The following FOXP1 variants were observed in gnomAD, a reference collection of about 807,000 sequenced individuals.
The protein encoded by FOXP1 is forkhead box protein P1.
In FOXP1, 15 loss-of-function variants were observed where a neutral mutation model predicts 98.2. That is an observed-to-expected ratio of 0.15 (90% CI 0.10 to 0.24). FOXP1 has a LOEUF of 0.24. Ranked by LOEUF, FOXP1 falls within the 10% of genes least tolerant of loss-of-function variation. The pLI is 1.00. For missense variants in FOXP1, 633 were observed against 848.5 expected, an observed-to-expected ratio of 0.75 and a Z score of 3.15; for synonymous variants, 371 against 314.5, an observed-to-expected ratio of 1.18 and a Z score of -1.90.
intron 5 of FOXP1, among the ~76,000 whole-genome samples, chr3:71,241,815 T>C (rs775887054): frequency 2.0e-5 from 3 of 152,226 alleles, no homozygotes; most frequent in South Asian, 2.1e-4. Flanking sequence ...ATCAAAGTGA[T>C]TGGTTAAAGT....
At chr3:71,101,095 G>GA (rs1379716909) in intron 7 of FOXP1, among the ~76,000 whole-genome samples, 2 of 152,150 alleles carry the variant, frequency 1.3e-5, no homozygotes, top group African/African-American at 2.4e-5. Context: ...GGGAAACACA[G>GA]AAAAAGGAAC....
intron 3 of FOXP1, among the ~76,000 whole-genome samples, chr3:71,403,091 T>G (rs527938266): frequency 6.6e-6 from 1 of 152,354 alleles, no homozygotes; most frequent in South Asian, 2.1e-4. Flanking sequence ...GGAAGTTTAC[T>G]TTTTTGTTTT....
chr3:71,341,697 T>C (rs2077018018), intron 4 of FOXP1, among the ~76,000 whole-genome samples: 2 of 152,178 alleles, frequency 1.3e-5, no homozygotes, highest in Non-Finnish European at 2.9e-5. Context: ...AGACTCCGTC[T>C]CAAAAGAAAA....
At chr3:71,091,514 CA>C (rs1242826460) in intron 7 of FOXP1, among the ~76,000 whole-genome samples, 5 of 150,418 alleles carry the variant, frequency 3.3e-5, no homozygotes, top group Admixed American at 6.6e-5. Flanking sequence ...CAAAACAAAA[CA>C]AAACAAACAA....
chr3:71,062,136 T>C (rs540522214), intron 7 of FOXP1, among the ~76,000 whole-genome samples: 1 of 152,246 alleles, frequency 6.6e-6, no homozygotes, highest in East Asian at 1.9e-4. Flanking sequence ...TTAAGGTACA[T>C]TAAACTACAA....
intron 3 of FOXP1, among the ~76,000 whole-genome samples, chr3:71,460,561 C>G (rs779767799): frequency 6.6e-6 from 1 of 152,092 alleles, no homozygotes; most frequent in Non-Finnish European, 1.5e-5. Flanking sequence ...CTCAGCCTCC[C>G]AAGTAGCTGG....
chr3:71,514,122 C>T (rs774446568), intron 2 of FOXP1, among the ~76,000 whole-genome samples: 2 of 152,180 alleles, frequency 1.3e-5, no homozygotes, highest in Non-Finnish European at 2.9e-5. Context: ...AACTGGCTCT[C>T]AGGCCCCATC....
intron 2 of FOXP1, among the ~76,000 whole-genome samples, chr3:71,502,838 G>A (rs1393268899): frequency 6.6e-6 from 1 of 152,168 alleles, no homozygotes; most frequent in Non-Finnish European, 1.5e-5. Context: ...TTAAGGTTAT[G>A]TAACCGGCAT....
At chr3:71,240,652 C>T (rs2067186163) in intron 5 of FOXP1, among the ~76,000 whole-genome samples, 2 of 151,966 alleles carry the variant, frequency 1.3e-5, no homozygotes, top group Non-Finnish European at 2.9e-5. Context: ...ACGCCATTCT[C>T]CTGCCTCAGG....
At chr3:71,077,371 T>G (rs1054800343) in intron 7 of FOXP1, among the ~76,000 whole-genome samples, 4 of 152,212 alleles carry the variant, frequency 2.6e-5, no homozygotes, top group Non-Finnish European at 5.9e-5. Flanking sequence ...TTTATTTACT[T>G]GTTCCTTATG....
At chr3:71,170,650 T>C (rs2061605594) in intron 6 of FOXP1, among the ~76,000 whole-genome samples, 1 of 152,234 alleles carries the variant, frequency 6.6e-6, no homozygotes, top group Non-Finnish European at 1.5e-5. Flanking sequence ...CGCGTATTCT[T>C]AGCTGAAAAC....
intron 4 of FOXP1, among the ~76,000 whole-genome samples, chr3:71,317,695 C>G (rs1188271124): frequency 6.6e-6 from 1 of 151,638 alleles, no homozygotes; most frequent in Non-Finnish European, 1.5e-5. Flanking sequence ...CCCCCAAATA[C>G]AATACTCAAA....
At position 71,201,429 on chromosome 3, in the gene FOXP1, T is replaced by C. The variant is rs577324700; in HGVS notation, c.-11-3037A>G. ...GGGAGGCCAAGGCAGGCAGATCACTTGAGGTCAGGAGTTCGAGACCAGCCT... is the reference window on the plus strand; with the variant it reads ...GGGAGGCCAAGGCAGGCAGATCACTCGAGGTCAGGAGTTCGAGACCAGCCT... On this transcript the variant is annotated intron_variant, in intron 5 of 20. Coordinates refer to ENST00000649528, the MANE Select transcript of FOXP1 (RefSeq NM_001349338.3). Among the ~76,000 whole-genome samples, 9 of 152,264 alleles carry C rather than the reference T, an allele frequency of 5.9e-5. No homozygotes were observed. The East Asian group carries it at 1.7e-3, about 29-fold the overall frequency.
chr3:71,168,446 A>G (rs2061491282), intron 6 of FOXP1, among the ~76,000 whole-genome samples: 1 of 152,250 alleles, frequency 6.6e-6, no homozygotes, highest in South Asian at 2.1e-4. Context: ...TTCCCTTGTC[A>G]TCATGTAATA....
intron 5 of FOXP1, among the ~76,000 whole-genome samples, chr3:71,249,954 C>G (rs2068051915): frequency 6.6e-6 from 1 of 152,180 alleles, no homozygotes; most frequent in African/African-American, 2.4e-5. Flanking sequence ...AGGTTTAACC[C>G]TACTTAGCAC....
chr3:71,469,123 A>G (rs1371778830), intron 3 of FOXP1, among the ~76,000 whole-genome samples: 2 of 152,234 alleles, frequency 1.3e-5, no homozygotes, highest in Non-Finnish European at 2.9e-5. Flanking sequence ...AAATAACAAT[A>G]AAAGTGCAAA....
chr3:71,368,062 T>C (rs535390323), intron 3 of FOXP1, among the ~76,000 whole-genome samples: 2 of 152,360 alleles, frequency 1.3e-5, no homozygotes, highest in South Asian at 4.1e-4. Flanking sequence ...CAAATTACCC[T>C]GGTGAATCCT....
intron 7 of FOXP1, among the ~76,000 whole-genome samples, chr3:71,110,004 C>T (rs2057782503): frequency 6.6e-6 from 1 of 152,134 alleles, no homozygotes; most frequent in South Asian, 2.1e-4. Flanking sequence ...AAGATTACCC[C>T]TTCTCCCCCT....
rs2046346365 is a variant in FOXP1, at chr3:71,558,935, TGGAACTACA to T, written c.-298+22605_-298+22613del. 2.0e-5 allele frequency among the ~76,000 whole-genome samples: 3 copies of T among 151,432 alleles called. No individual in the cohort carries two copies. In the South Asian group the frequency reaches 6.3e-4, roughly 32 times the overall value. On this transcript the variant is annotated intron_variant, in intron 2 of 20. Transcript: ENST00000649528. ...CTCCTGCCTCAGCCTCCCAAGTAGC[TGGAACTACA>T]GGTGCCTGCCACCACACCCAGCTAA...
Sources: allele counts gnomAD v4.1 joint callset (sites outside exome capture counted in the v4.1 genomes callset), GRCh38; gene constraint gnomAD v4.1.1; transcripts MANE v1.5; gene names NCBI Gene and HGNC (gene_info 2026-07-23, HGNC 2026-07-21).